The following UNC13C variants were observed in gnomAD, a reference collection of about 807,000 sequenced individuals.
The protein encoded by UNC13C is unc-13 homolog C, also known as protein unc-13 homolog C.
UNC13C carries 174 observed loss-of-function variants against 245.4 expected under a neutral mutation model. The observed-to-expected ratio is 0.71, with a 90% confidence interval of 0.63 to 0.80. UNC13C has a LOEUF of 0.80. Ranked by LOEUF, UNC13C falls within the 30% of genes least tolerant of loss-of-function variation. The probability of loss-of-function intolerance (pLI) is 0.00; values close to 1 mark genes in which losing one functional copy is unlikely to be tolerated. For missense variants in UNC13C, 2,829 were observed against 2,602.9 expected (o/e 1.09, Z -1.89); for synonymous variants, 992 against 895.1 (o/e 1.11, Z -1.93).
intron 4 of UNC13C, among the ~76,000 whole-genome samples, chr15:54,160,707 A>G (rs1028150792): frequency 2.6e-4 from 40 of 152,152 alleles, no homozygotes; most frequent in African/African-American, 9.2e-4. Context: ...ACAATTTTCA[A>G]CTCATTCAGT....
chr15:54,460,014 C>G (rs896170514), intron 19 of UNC13C, among the ~76,000 whole-genome samples: 1 of 152,138 alleles, frequency 6.6e-6, no homozygotes, highest in Non-Finnish European at 1.5e-5. Context: ...GTTCCTTCTA[C>G]TTTGTGTAGA....
intron 10 of UNC13C, among the ~76,000 whole-genome samples, chr15:54,288,877 C>A (rs1359319132): frequency 2.6e-5 from 4 of 152,034 alleles, no homozygotes; most frequent in Non-Finnish European, 4.4e-5. Flanking sequence ...AATTCATCTC[C>A]CTTAACCTAA....
chr15:54,528,283 T>G (rs1375852260), intron 25 of UNC13C, among the ~76,000 whole-genome samples: 2 of 151,268 alleles, frequency 1.3e-5, no homozygotes, highest in African/African-American at 2.4e-5. Context: ...GGTTTCTGCT[T>G]ACACATGTTT....
the UNC13C span, among the ~76,000 whole-genome samples, chr15:53,889,899 A>G: frequency 1.3e-5 from 2 of 152,222 alleles, no homozygotes; most frequent in Admixed American, 1.3e-4. Context: ...CCCAGGGATG[A>G]AGCCAACTTG....
chr15:54,313,827 TC>T (rs2037937652), intron 13 of UNC13C, among the ~76,000 whole-genome samples: 1 of 151,682 alleles, frequency 6.6e-6, no homozygotes, highest in Admixed American at 6.6e-5. Context: ...ATATCTGTAG[TC>T]CCATGTTCAT....
the UNC13C span, among the ~76,000 whole-genome samples, chr15:53,936,648 G>A: frequency 2.6e-5 from 4 of 152,192 alleles, no homozygotes; most frequent in African/African-American, 9.6e-5. Flanking sequence ...GCCCCTCTGG[G>A]ACAGAGCTCC....
chr15:54,253,337 A>G (rs763845712), intron 8 of UNC13C, among the ~76,000 whole-genome samples: 9 of 152,174 alleles, frequency 5.9e-5, no homozygotes, highest in Admixed American at 2.6e-4. Context: ...TGTCCAGTCA[A>G]TTCCCCAAAG....
At chr15:54,423,222 C>A (rs956209196) in intron 19 of UNC13C, among the ~76,000 whole-genome samples, 31 of 151,654 alleles carry the variant, frequency 2.0e-4, no homozygotes, top group African/African-American at 6.5e-4. Flanking sequence ...TTGAAGCTAG[C>A]AGTTTAACAA....
chr15:53,976,525 G>A (rs1297114007), upstream of UNC13C, among the ~76,000 whole-genome samples: 1 of 121,078 alleles, frequency 8.3e-6, no homozygotes, highest in Admixed American at 1.1e-4. Context: ...AGGCTGGAGT[G>A]CAATGGCGCG....
intron 4 of UNC13C, among the ~76,000 whole-genome samples, chr15:54,225,425 A>G (rs930662806): frequency 1.3e-5 from 2 of 152,232 alleles, no homozygotes; most frequent in Admixed American, 6.5e-5. Context: ...CACAATATTC[A>G]TTCTTTCTAT....
chr15:53,898,765 T>C, the UNC13C span, among the ~76,000 whole-genome samples: 3 of 152,242 alleles, frequency 2.0e-5, no homozygotes, highest in Non-Finnish European at 4.4e-5. Context: ...TATCACCTAA[T>C]ATTCCAATTT....
the UNC13C span, among the ~76,000 whole-genome samples, chr15:53,879,275 C>A: frequency 7.9e-5 from 12 of 152,104 alleles, no homozygotes; most frequent in Non-Finnish European, 1.6e-4. Flanking sequence ...GATACTCCCA[C>A]CTGAGCCTCC....
At chr15:54,130,696 A>G (rs913642188) in intron 2 of UNC13C, among the ~76,000 whole-genome samples, 8 of 152,190 alleles carry the variant, frequency 5.3e-5, no homozygotes, top group Admixed American at 1.3e-4. Context: ...TAAGATTCCT[A>G]TCTTCATAGG....
chr15:54,088,582 A>G (rs1287943504), intron 2 of UNC13C, among the ~76,000 whole-genome samples: 1 of 152,180 alleles, frequency 6.6e-6, no homozygotes, highest in Non-Finnish European at 1.5e-5. Flanking sequence ...GATTACAGAC[A>G]GGTTTATCTA....
chr15:54,070,841 T>C (rs1340818777), intron 2 of UNC13C, among the ~76,000 whole-genome samples: 4 of 152,148 alleles, frequency 2.6e-5, no homozygotes, highest in Admixed American at 2.6e-4. Flanking sequence ...CCCAACTCAT[T>C]ACTTACAAGC....
At chr15:54,549,517 G>C (rs953166330) in intron 27 of UNC13C, 118 bp from the exon 28 acceptor site, 4 of 742,668 alleles carry the variant, frequency 5.4e-6, no homozygotes, top group African/African-American at 5.3e-5. Flanking sequence ...AGGGCATCTG[G>C]CATAAGCCAT....
At chr15:54,292,743 A>T (rs1321551920) in intron 10 of UNC13C, among the ~76,000 whole-genome samples, 1 of 151,570 alleles carries the variant, frequency 6.6e-6, no homozygotes, top group Non-Finnish European at 1.5e-5. Flanking sequence ...TAAGGTTCAT[A>T]ACACTTAGAA....
chr15:54,360,171 G>T (rs2039197178), intron 17 of UNC13C, among the ~76,000 whole-genome samples: 1 of 151,870 alleles, frequency 6.6e-6, no homozygotes, highest in Non-Finnish European at 1.5e-5. Context: ...AATGATACTT[G>T]ATATTATTTT....
intron 4 of UNC13C, 129 bp downstream of exon 4, chr15:54,143,813 A>G (rs2032135302): frequency 5.0e-6 from 3 of 603,316 alleles, no homozygotes; most frequent in Admixed American, 3.1e-5. Context: ...ATTTTACAAT[A>G]AAGTTGACAT....
Sources: gnomAD v4.1 joint callset for allele counts (sites outside exome capture counted in the v4.1 genomes callset) on GRCh38, gnomAD v4.1.1 for gene constraint, MANE v1.5 for transcripts, NCBI Gene and HGNC (gene_info 2026-07-23, HGNC 2026-07-21) for gene names.